HDAC4: variants seen among roughly 807,000 people sequenced by gnomAD.
HDAC4 encodes the protein histone deacetylase 4, also known as histone deacetylase A.
A neutral mutation model predicts 135.1 loss-of-function variants in HDAC4; 16 were observed. The ratio of observed to expected loss-of-function variants is 0.12; its 90% CI spans 0.08 to 0.18. The LOEUF (loss-of-function observed/expected upper bound fraction) is 0.18, where lower values mean the gene tolerates loss of function less well. HDAC4 is among the 10% of genes least tolerant of loss of function. The pLI, the probability that HDAC4 is intolerant of heterozygous loss-of-function variation, is 1.00. For missense variants in HDAC4, 1,143 were observed against 1,511.8 expected (o/e 0.76, Z 4.05); for synonymous variants, 685 against 653.4 (o/e 1.05, Z -0.74).
rs1384524751 is a variant in HDAC4 at position 239,295,215 on chromosome 2, G to A, written c.22+57463C>T. ...CCAGCTACTTGGGAGGCTGAGGCAG[G>A]AGAATGGCGTGAACCCGGGAGGCGG... On this transcript the variant is annotated intron_variant, in intron 2 of 26. Transcript: ENST00000543185. Among the ~76,000 whole-genome samples, 5 of 148,874 alleles carry A rather than the reference G, an allele frequency of 3.4e-5. No individual in the cohort carries two copies. In the Admixed American group the frequency reaches 3.4e-4, roughly 10 times the overall value.
chr2:239,359,421 G>A (rs1471806823), intron 1 of HDAC4, among the ~76,000 whole-genome samples: 1 of 152,256 alleles, frequency 6.6e-6, no homozygotes, highest in Non-Finnish European at 1.5e-5. Flanking sequence ...ATCCGGCTGT[G>A]TCATGAACAA....
At chr2:239,219,934 A>T (rs1045780775) in intron 3 of HDAC4, among the ~76,000 whole-genome samples, 2 of 152,246 alleles carry the variant, frequency 1.3e-5, no homozygotes, top group Non-Finnish European at 2.9e-5. Flanking sequence ...GCTCTTGTAC[A>T]CTCACGGCAG....
intron 1 of HDAC4, among the ~76,000 whole-genome samples, chr2:239,371,932 G>A (rs994344865): frequency 2.8e-4 from 42 of 152,244 alleles, no homozygotes; most frequent in Non-Finnish European, 7.3e-5. Flanking sequence ...GCATCCATCA[G>A]AGATTTCAAC....
rs1406799944 is a variant in HDAC4 at position 239,208,721 on chromosome 2, G to A, written c.95-18644C>T. ...TAGAGCTAATAAGGAAATGTAATAC[G>A]GTGTTAGATAAGATCAACATAGAAA... On this transcript the variant is annotated intron_variant, in intron 3 of 26. Coordinates refer to ENST00000543185, the MANE Select transcript of HDAC4 (RefSeq NM_001378414.1). Among the ~76,000 whole-genome samples the A allele has an allele frequency of 2.6e-5, 4 of 151,458 alleles. No homozygotes were observed. In the South Asian group the frequency reaches 6.2e-4, roughly 24 times the overall value.
intron 2 of HDAC4, among the ~76,000 whole-genome samples, chr2:239,267,928 G>C (rs1379451054): frequency 6.6e-6 from 1 of 152,246 alleles, no homozygotes; most frequent in Non-Finnish European, 1.5e-5. Context: ...TCTCGTCTAA[G>C]AATGAGTGCA....
intron 2 of HDAC4, among the ~76,000 whole-genome samples, chr2:239,280,446 G>A (rs1044716068): frequency 1.2e-4 from 19 of 152,192 alleles, no homozygotes; most frequent in Non-Finnish European, 2.4e-4. Context: ...ACTCAGCCGT[G>A]CCGACTGGTC....
At chr2:239,341,858 A>C (rs1692315718) in intron 2 of HDAC4, among the ~76,000 whole-genome samples, 1 of 152,150 alleles carries the variant, frequency 6.6e-6, no homozygotes, top group South Asian at 2.1e-4. Flanking sequence ...CTAATACCCA[A>C]TGTGACAGTA....
intron 2 of HDAC4, among the ~76,000 whole-genome samples, chr2:239,280,568 G>A (rs989301873): frequency 3.9e-5 from 6 of 152,182 alleles, no homozygotes; most frequent in African/African-American, 1.4e-4. Context: ...AAAGGGTAAG[G>A]AAAACATTGT....
chr2:239,304,781 C>A (rs1405774362), intron 2 of HDAC4, among the ~76,000 whole-genome samples: 1 of 152,172 alleles, frequency 6.6e-6, no homozygotes, highest in African/African-American at 2.4e-5. Context: ...AGGAATGACA[C>A]GCTATGGACG....
At chr2:239,145,577 C>T (rs1559508563) in intron 7 of HDAC4, among the ~76,000 whole-genome samples, 4 of 152,244 alleles carry the variant, frequency 2.6e-5, no homozygotes. Context: ...GAGAGGTTAT[C>T]GGCTTTCAGA....
chr2:239,155,864 C>T (rs1240661552), intron 7 of HDAC4, among the ~76,000 whole-genome samples: 1 of 152,210 alleles, frequency 6.6e-6, no homozygotes, highest in Non-Finnish European at 1.5e-5. Context: ...CACTGCCCGC[C>T]CTCAGCACCT....
At chr2:239,251,881 T>G (rs897944958) in intron 2 of HDAC4, among the ~76,000 whole-genome samples, 2 of 152,206 alleles carry the variant, frequency 1.3e-5, no homozygotes, top group Admixed American at 6.5e-5. Flanking sequence ...ATTTCTGTTA[T>G]GCACAGAATG....
chr2:239,375,167 C>T (rs1037331122), intron 1 of HDAC4, among the ~76,000 whole-genome samples: 2 of 152,296 alleles, frequency 1.3e-5, no homozygotes, highest in African/African-American at 2.4e-5. Flanking sequence ...GCAGCAGGAA[C>T]GCCCAGATGT....
chr2:239,150,406 T>C (rs943421720), intron 7 of HDAC4, among the ~76,000 whole-genome samples: 6 of 148,866 alleles, frequency 4.0e-5, no homozygotes, highest in African/African-American at 1.5e-4. Flanking sequence ...CACACAGATA[T>C]ACAGAAACAC....
chr2:239,334,046 T>C (rs968645477), intron 2 of HDAC4, among the ~76,000 whole-genome samples: 2 of 152,144 alleles, frequency 1.3e-5, no homozygotes, highest in Non-Finnish European at 1.5e-5. Context: ...TCACCGTCCA[T>C]AGACAATATG....
chr2:239,276,790 C>T (rs549023413), intron 2 of HDAC4, among the ~76,000 whole-genome samples: 11 of 152,344 alleles, frequency 7.2e-5, no homozygotes, highest in South Asian at 4.1e-4. Context: ...CGAGGCAAGA[C>T]GGCAGAGGGA....
chr2:239,396,389 T>G (rs961805623), intron 1 of HDAC4, among the ~76,000 whole-genome samples: 1 of 152,168 alleles, frequency 6.6e-6, no homozygotes, highest in Admixed American at 6.5e-5. Context: ...TCAAGGAAAT[T>G]TCCATACATT....
At chr2:239,190,212 C>G (rs2044838667) in intron 3 of HDAC4, 135 bp from the exon 4 acceptor site, 1 of 1,208,376 alleles carries the variant, frequency 8.3e-7, no homozygotes, top group Admixed American at 2.6e-5. Flanking sequence ...TTGGATACCC[C>G]TCTCCCCCTG....
At chr2:239,336,309 T>A (rs935689973) in intron 2 of HDAC4, among the ~76,000 whole-genome samples, 5 of 152,206 alleles carry the variant, frequency 3.3e-5, no homozygotes, top group Non-Finnish European at 7.3e-5. Context: ...GGCATCTTCC[T>A]TTTGGGAGAG....
Sources: gnomAD v4.1 joint callset for allele counts (sites outside exome capture counted in the v4.1 genomes callset) on GRCh38, gnomAD v4.1.1 for gene constraint, MANE v1.5 for transcripts, NCBI Gene and HGNC (gene_info 2026-07-23, HGNC 2026-07-21) for gene names.